LMO7: variants seen among roughly 807,000 people sequenced by gnomAD.
The protein encoded by LMO7 is LIM domain only protein 7.
In LMO7, 120 loss-of-function variants were observed where a neutral mutation model predicts 206.5. That is an observed-to-expected ratio of 0.58 (90% confidence interval 0.50 to 0.68). The LOEUF (loss-of-function observed/expected upper bound fraction) is 0.68. Ranked by LOEUF, LMO7 falls within the 30% of genes least tolerant of loss-of-function variation. The pLI is 0.00. For missense variants in LMO7, 1,959 were observed against 1,957.9 expected, an observed-to-expected ratio of 1.00 and a Z score of -0.01; for synonymous variants, 706 against 681.5, an observed-to-expected ratio of 1.04 and a Z score of -0.56.
chr13:75,753,779 CTG>C (rs1196217437), intron 3 of LMO7, among the ~76,000 whole-genome samples: 1 of 152,202 alleles, frequency 6.6e-6, no homozygotes, highest in Non-Finnish European at 1.5e-5. Context: ...TCCTGTGGAA[CTG>C]TGAGTCAATT....
chr13:75,769,492 C>G (rs192958451), intron 4 of LMO7, among the ~76,000 whole-genome samples: 1 of 151,378 alleles, frequency 6.6e-6, no homozygotes, highest in Non-Finnish European at 1.5e-5. Flanking sequence ...TAAAAAAAAA[C>G]GTGGTATACT....
intron 26 of LMO7, among the ~76,000 whole-genome samples, chr13:75,846,103 TAA>T (rs34018345): frequency 9.5e-5 from 14 of 147,042 alleles, no homozygotes; most frequent in African/African-American, 1.5e-4. Context: ...ACAGAAAAGT[TAA>T]AAAAAAAAAA....
At chr13:75,651,786 G>A (rs546606269) in intron 1 of LMO7, among the ~76,000 whole-genome samples, 3 of 152,286 alleles carry the variant, frequency 2.0e-5, no homozygotes, top group East Asian at 3.9e-4. Context: ...ACTAAAAGAT[G>A]TCAAGCATCC....
In LMO7 at chr13:75,834,252, C is replaced by T; in HGVS notation, c.3091C>T (p.Gln1031Ter). Residue 1031 changes from glutamine (Q) to a stop codon, truncating the protein, a stop_gained, in exon 17 of 31, where the codon CAA becomes TAA. Coordinates refer to ENST00000377534, the MANE Select transcript of LMO7 (RefSeq NM_001306080.2). LOFTEE classifies it high-confidence loss of function. ...AGSPAEFSQLQVDDEIIAINN... is the reference protein window; with the variant it reads ...AGSPAEFSQL ...TAGCCCAGCAGAATTTTCTCAGCTA[C>T]AAGTAGATGATGAAATTATTGCTAT... is the stretch of plus-strand genomic sequence containing the variant. 6.2e-7 allele frequency: 1 copy of T among 1,604,404 alleles called. No individual in the cohort carries two copies. Among genetic ancestry groups the T allele is most frequent in the Non-Finnish European group, 8.5e-7 (1 of 1,175,644 alleles).
chr13:75,734,530 G>T (rs1166115199), intron 3 of LMO7, among the ~76,000 whole-genome samples: 1 of 152,132 alleles, frequency 6.6e-6, no homozygotes, highest in Non-Finnish European at 1.5e-5. Context: ...AAAGGCATGG[G>T]TAATTAAAGT....
At chr13:75,848,583 ATATAATGG>A (rs2060203740) in intron 26 of LMO7, among the ~76,000 whole-genome samples, 2 of 150,408 alleles carry the variant, frequency 1.3e-5, no homozygotes, top group African/African-American at 2.5e-5. Flanking sequence ...TATCTTTTTC[ATATAATGG>A]CATCTTTTCC....
intron 1 of LMO7, among the ~76,000 whole-genome samples, chr13:75,699,908 C>A (rs1041181465): frequency 6.6e-6 from 1 of 152,228 alleles, no homozygotes; most frequent in African/African-American, 2.4e-5. Context: ...TATCCCTTAT[C>A]TTCAACTGCA....
intron 1 of LMO7, among the ~76,000 whole-genome samples, chr13:75,687,291 A>G (rs934503205): frequency 6.6e-6 from 1 of 152,142 alleles, no homozygotes; most frequent in African/African-American, 2.4e-5. Flanking sequence ...GTCTTGGGTG[A>G]CTGGAATACA....
At chr13:75,651,989 G>A (rs2037614245) in intron 1 of LMO7, among the ~76,000 whole-genome samples, 1 of 152,106 alleles carries the variant, frequency 6.6e-6, no homozygotes. Flanking sequence ...CCAACAATAT[G>A]GGTCATCTAT....
rs751065469 is a variant in LMO7 at position 75,800,830 on chromosome 13, G to C, written c.609G>C (p.Ser203=). 12 of 1,614,050 alleles carry C rather than the reference G, an allele frequency of 7.4e-6. No homozygotes were observed. Among genetic ancestry groups the C allele is most frequent in the Non-Finnish European group, 1.0e-5 (12 of 1,179,976 alleles). Reference sequence around the variant, plus strand: ...TTGAAAGCTTGGACTCTTTGGGCTCGAGGTCATTGACAAGCTGCTCCTCTG... The same window carrying C: ...TTGAAAGCTTGGACTCTTTGGGCTCCAGGTCATTGACAAGCTGCTCCTCTG... ...DSFESLDSLG[S]RSLTSCSSDI... is the part of the protein sequence containing the mutation. Residue 203 remains serine (S), a synonymous_variant, in exon 7 of 31, where the codon TCG becomes TCC. Coordinates refer to ENST00000377534, the MANE Select transcript of LMO7 (RefSeq NM_001306080.2).
At chr13:75,637,492 C>T (rs1307573542) in intron 1 of LMO7, among the ~76,000 whole-genome samples, 1 of 152,130 alleles carries the variant, frequency 6.6e-6, no homozygotes, top group African/African-American at 2.4e-5. Context: ...GACTTCTAGC[C>T]GTTATTCCAC....
chr13:75,825,083 T>C (rs1181644407), intron 15 of LMO7, among the ~76,000 whole-genome samples: 1 of 152,128 alleles, frequency 6.6e-6, no homozygotes, highest in African/African-American at 2.4e-5. Context: ...ATATTTCTTT[T>C]GTTTTTTTTT....
intron 3 of LMO7, among the ~76,000 whole-genome samples, chr13:75,747,852 C>T (rs1471332819): frequency 6.6e-6 from 1 of 152,188 alleles, no homozygotes; most frequent in African/African-American, 2.4e-5. Flanking sequence ...TCCAGGTGGG[C>T]TCTGTGTAAT....
intron 2 of LMO7, among the ~76,000 whole-genome samples, chr13:75,630,241 G>C (rs973785226): frequency 3.3e-5 from 5 of 152,162 alleles, no homozygotes; most frequent in Non-Finnish European, 5.9e-5. Context: ...TGAATCTGCA[G>C]ATATAGAACC....
intron 4 of LMO7, 31 bp downstream of exon 4, chr13:75,761,069 A>G: frequency 7.6e-7 from 1 of 1,308,540 alleles, no homozygotes; most frequent in South Asian, 1.4e-5. Context: ...AGATATATAT[A>G]TATATATTTA....
At chr13:75,691,845 C>A (rs1198467181) in intron 1 of LMO7, among the ~76,000 whole-genome samples, 1 of 152,088 alleles carries the variant, frequency 6.6e-6, no homozygotes, top group African/African-American at 2.4e-5. Flanking sequence ...CTGCGCCCAG[C>A]TGCCTCCTCC....
chr13:75,824,478 CA>C (rs887660890), intron 15 of LMO7, among the ~76,000 whole-genome samples: 11 of 152,102 alleles, frequency 7.2e-5, no homozygotes, highest in Admixed American at 7.2e-4. Flanking sequence ...GGAGTCCAAA[CA>C]AAATATACCA....
At chr13:75,713,937 A>G (rs1264345075) in intron 2 of LMO7, among the ~76,000 whole-genome samples, 10 of 152,218 alleles carry the variant, frequency 6.6e-5, no homozygotes, top group Admixed American at 5.9e-4. Context: ...AGGCATAAGG[A>G]TGAAATCCTG....
At chr13:75,677,441 A>G (rs971576854) in intron 1 of LMO7, among the ~76,000 whole-genome samples, 1 of 152,236 alleles carries the variant, frequency 6.6e-6, no homozygotes, top group Admixed American at 6.5e-5. Flanking sequence ...TGGCTAAAAA[A>G]GCCAGTGACT....
Sources: allele counts gnomAD v4.1 joint callset (sites outside exome capture counted in the v4.1 genomes callset), GRCh38; gene constraint gnomAD v4.1.1; transcripts MANE v1.5; gene names NCBI Gene and HGNC (gene_info 2026-07-23, HGNC 2026-07-21).